Variants in ADGRB3 observed in about 807,000 individuals in gnomAD.
ADGRB3 encodes the protein brain-specific angiogenesis inhibitor 3.
ADGRB3 carries 37 observed loss-of-function variants against 193.4 expected under a neutral mutation model. The observed-to-expected ratio is 0.19, with a 90% CI of 0.15 to 0.25. ADGRB3 has a LOEUF of 0.25. Ranked by LOEUF, ADGRB3 falls within the 10% of genes least tolerant of loss-of-function variation. The pLI is 1.00. For missense variants in ADGRB3, 1,637 were observed against 1,852.9 expected, an observed-to-expected ratio of 0.88 and a Z score of 2.14; for synonymous variants, 690 against 644.2, an observed-to-expected ratio of 1.07 and a Z score of -1.08.
At chr6:69,099,231 A>G (rs1772967317) in intron 17 of ADGRB3, among the ~76,000 whole-genome samples, 1 of 152,256 alleles carries the variant, frequency 6.6e-6, no homozygotes, top group Non-Finnish European at 1.5e-5. Flanking sequence ...CTAGTTCAAA[A>G]TGTCAATAGT....
intron 4 of ADGRB3, among the ~76,000 whole-genome samples, chr6:68,933,434 A>C (rs1767398431): frequency 6.6e-6 from 1 of 152,152 alleles, no homozygotes; most frequent in African/African-American, 2.4e-5. Context: ...TCTACTAAAA[A>C]TACGAAAAAT....
intron 20 of ADGRB3, among the ~76,000 whole-genome samples, chr6:69,297,719 A>G (rs1767860206): frequency 6.6e-6 from 1 of 152,070 alleles, no homozygotes; most frequent in South Asian, 2.1e-4. Context: ...GAAGTAGCCA[A>G]GCAAATGAAT....
intron 17 of ADGRB3, among the ~76,000 whole-genome samples, chr6:69,192,924 A>T (rs946535724): frequency 2.0e-5 from 3 of 152,174 alleles, no homozygotes; most frequent in Admixed American, 6.5e-5. Context: ...AAATTCAGTT[A>T]GTGTGAGGGG....
intron 3 of ADGRB3, among the ~76,000 whole-genome samples, chr6:68,827,367 T>G (rs2127382523): frequency 6.6e-6 from 1 of 152,012 alleles, no homozygotes; most frequent in South Asian, 2.1e-4. Context: ...AGAAAGGAAG[T>G]GATTTTTTAA....
At chr6:69,354,976 T>G (rs1012240585) in intron 27 of ADGRB3, among the ~76,000 whole-genome samples, 5 of 152,182 alleles carry the variant, frequency 3.3e-5, no homozygotes, top group Non-Finnish European at 7.4e-5. Flanking sequence ...TAGGACAGTT[T>G]TACTTTTACA....
At position 69,063,617 on chromosome 6, in the gene ADGRB3, C is replaced by A. The variant is rs868216247; in HGVS notation, c.2436+581C>A. Among the ~76,000 whole-genome samples the A allele has an allele frequency of 4.6e-5, 7 of 151,894 alleles. No homozygotes were observed. The East Asian group carries it at 1.4e-3, about 29-fold the overall frequency. On this transcript the variant is annotated intron_variant, in intron 16 of 31. Coordinates refer to ENST00000370598, the MANE Select transcript of ADGRB3 (RefSeq NM_001704.3). ...AGGGGGTGCTGGGTGGAGTGGGTAG[C>A]GTGTAGAAATACTAAGTCAAGGATC...
chr6:69,171,187 A>G (rs905877105), intron 17 of ADGRB3, among the ~76,000 whole-genome samples: 2 of 152,182 alleles, frequency 1.3e-5, no homozygotes, highest in South Asian at 2.1e-4. Context: ...CACTTACTGC[A>G]TATCTCAATT....
intron 3 of ADGRB3, among the ~76,000 whole-genome samples, chr6:68,927,370 G>T (rs964324435): frequency 2.6e-5 from 4 of 152,056 alleles, no homozygotes; most frequent in African/African-American, 7.2e-5. Flanking sequence ...AGCCTACTAT[G>T]CTAAAAGTTT....
intron 17 of ADGRB3, among the ~76,000 whole-genome samples, chr6:69,174,017 T>A (rs964986105): frequency 6.6e-6 from 1 of 152,244 alleles, no homozygotes; most frequent in Non-Finnish European, 1.5e-5. Context: ...TTCCATTACT[T>A]GCTGTAAAGT....
In ADGRB3 at chr6:68,639,298, A is replaced by G. The variant is rs1156926852; in HGVS notation, c.623A>G (p.Asp208Gly). The stretch of plus-strand genomic sequence containing the variant: ...CAGCATTTGGGAGAGTGGGGGATCG[A>G]CGACCAGTCGCTGATTTTGTTAAAT... ...CPQHLGEWGIDDQSLILLNNV... is the reference protein window; with the variant it reads ...CPQHLGEWGIGDQSLILLNNV... The change falls in exon 3 of 32, where the codon GAC becomes GGC. Residue 208 changes from aspartate (D) to glycine (G), a missense_variant. By Grantham distance (94) the Asp-to-Gly change is moderately conservative. Around this residue, in one of 7 missense-constraint regions of ADGRB3, gnomAD observed 365 missense variants for 409.8 expected, o/e 0.89. Coordinates refer to ENST00000370598, the MANE Select transcript of ADGRB3 (RefSeq NM_001704.3). 1.9e-6 allele frequency: 3 copies of G among 1,614,116 alleles called. No homozygotes were observed. The Admixed American group carries it at 5.0e-5, about 27-fold the overall frequency.
At chr6:68,840,288 G>A (rs111722929) in intron 3 of ADGRB3, among the ~76,000 whole-genome samples, 8 of 149,518 alleles carry the variant, frequency 5.4e-5, no homozygotes, top group Middle Eastern at 3.6e-3. Flanking sequence ...GAAGGAGAGG[G>A]AAGAGTAAAG....
intron 20 of ADGRB3, among the ~76,000 whole-genome samples, chr6:69,275,188 T>A (rs1038555410): frequency 5.9e-5 from 9 of 152,182 alleles, no homozygotes; most frequent in African/African-American, 2.2e-4. Context: ...ATATTACCCC[T>A]TCCCAGAATC....
chr6:68,923,792 G>GA (rs1767109934), intron 3 of ADGRB3, among the ~76,000 whole-genome samples: 1 of 152,010 alleles, frequency 6.6e-6, no homozygotes, highest in African/African-American at 2.4e-5. Context: ...AAGTTTGGCA[G>GA]AAAAGCAACC....
At chr6:69,166,857 CTCAG>C (rs1561939955) in intron 17 of ADGRB3, among the ~76,000 whole-genome samples, 1 of 152,230 alleles carries the variant, frequency 6.6e-6, no homozygotes, top group South Asian at 2.1e-4. Context: ...ACAATGGACT[CTCAG>C]TCAATGTTTG....
intron 3 of ADGRB3, among the ~76,000 whole-genome samples, chr6:68,736,334 A>C (rs1380990548): frequency 1.3e-5 from 2 of 152,168 alleles, no homozygotes; most frequent in African/African-American, 4.8e-5. Flanking sequence ...TAATTCTTTA[A>C]AAATTTTACA....
chr6:69,316,374 A>G (rs1043643383), intron 20 of ADGRB3, among the ~76,000 whole-genome samples: 1 of 151,574 alleles, frequency 6.6e-6, no homozygotes, highest in Non-Finnish European at 1.5e-5. Context: ...AAGTAACATT[A>G]GAAAAGGAAA....
intron 15 of ADGRB3, among the ~76,000 whole-genome samples, chr6:69,060,622 G>GCC (rs1771720524): frequency 6.6e-6 from 1 of 151,928 alleles, no homozygotes; most frequent in African/African-American, 2.4e-5. Context: ...TTTATTAAAA[G>GCC]CCGGTAACTA....
At chr6:69,021,109 A>T (rs949778682) in intron 13 of ADGRB3, among the ~76,000 whole-genome samples, 1 of 151,918 alleles carries the variant, frequency 6.6e-6, no homozygotes, top group African/African-American at 2.4e-5. Context: ...TATTGAGCAG[A>T]CATATATGCA....
At chr6:69,194,489 A>G (rs1765258024) in intron 17 of ADGRB3, among the ~76,000 whole-genome samples, 2 of 152,172 alleles carry the variant, frequency 1.3e-5, no homozygotes, top group African/African-American at 4.8e-5. Context: ...TTAAGATAAA[A>G]AGGTAAATTA....
Sources: gnomAD v4.1 joint callset for allele counts (sites outside exome capture counted in the v4.1 genomes callset) on GRCh38, gnomAD v4.1.1 for gene constraint, gnomAD v4.1.1 regional missense constraint, MANE v1.5 for transcripts, NCBI Gene and HGNC (gene_info 2026-07-23, HGNC 2026-07-21) for gene names.